ZEB2: variants seen among roughly 807,000 people sequenced by gnomAD.
ZEB2 encodes zinc finger E-box binding homeobox 2.
A neutral mutation model predicts 99.9 loss-of-function variants in ZEB2; 6 were observed. The ratio of observed to expected loss-of-function variants is 0.06; its 90% CI spans 0.03 to 0.12. The LOEUF is 0.12. ZEB2 is among the 10% of genes least tolerant of loss of function. The pLI is 1.00. For synonymous variants in ZEB2, 517 were observed against 542.5 expected (o/e 0.95, Z 0.65); for missense variants, 969 against 1,502.8 (o/e 0.64, Z 5.87).
chr2:144,404,614 C>G (rs1010089504), intron 5 of ZEB2, among the ~76,000 whole-genome samples: 2 of 152,134 alleles, frequency 1.3e-5, no homozygotes, highest in Non-Finnish European at 2.9e-5. Context: ...GAAATGGGCT[C>G]TAATTGTTCT....
intron 2 of ZEB2, among the ~76,000 whole-genome samples, chr2:144,480,991 T>C (rs1704503051): frequency 6.6e-6 from 1 of 152,188 alleles, no homozygotes; most frequent in African/African-American, 2.4e-5. Context: ...TTTCTAATAA[T>C]TATAGCATTA....
At chr2:144,409,903 A>C (rs1458097253) in intron 4 of ZEB2, among the ~76,000 whole-genome samples, 1 of 151,700 alleles carries the variant, frequency 6.6e-6, no homozygotes, top group Admixed American at 6.6e-5. Flanking sequence ...AAAACCAAAA[A>C]AAAGTTGTTG....
intron 2 of ZEB2, chr2:144,494,186 A>C (rs1704727903): frequency 6.7e-6 from 1 of 148,210 alleles, no homozygotes; most frequent in Non-Finnish European, 1.5e-5. Context: ...ATAGATTGTC[A>C]AAAACTCTAA....
intron 4 of ZEB2, among the ~76,000 whole-genome samples, chr2:144,412,555 G>A (rs1286186836): frequency 6.6e-6 from 1 of 152,040 alleles, no homozygotes; most frequent in East Asian, 1.9e-4. Flanking sequence ...AAATTATTGG[G>A]GCCCATCCAA....
At chr2:144,485,029 C>T (rs1704574459) in intron 2 of ZEB2, among the ~76,000 whole-genome samples, 1 of 152,156 alleles carries the variant, frequency 6.6e-6, no homozygotes, top group Admixed American at 6.5e-5. Context: ...TAAAGAGTCA[C>T]TTAGCATGAA....
chr2:144,476,768 T>G (rs141606696), intron 2 of ZEB2, among the ~76,000 whole-genome samples: 185 of 152,332 alleles, frequency 1.2e-3, no homozygotes, highest in African/African-American at 4.3e-3. Context: ...TTTTATGTAC[T>G]GAAAATAAAC....
At chr2:144,421,656 C>G (rs889751105) in intron 4 of ZEB2, among the ~76,000 whole-genome samples, 1 of 137,324 alleles carries the variant, frequency 7.3e-6, no homozygotes, top group Non-Finnish European at 1.6e-5. Flanking sequence ...GTGTCATAAT[C>G]TTTTTTTTTT....
intron 2 of ZEB2, among the ~76,000 whole-genome samples, chr2:144,447,390 G>A (rs1450388103): frequency 6.6e-6 from 1 of 152,126 alleles, no homozygotes; most frequent in Non-Finnish European, 1.5e-5. Flanking sequence ...TTTCTCATAT[G>A]TCTAACATGC....
chr2:144,446,053 C>CCCTT (rs1169788243), intron 2 of ZEB2, among the ~76,000 whole-genome samples: 1 of 151,792 alleles, frequency 6.6e-6, no homozygotes, highest in Non-Finnish European at 1.5e-5. Context: ...TTCTCTCTCC[C>CCCTT]CCTTCCTTCC....
rs191298622 is a variant in ZEB2 at position 144,473,259 on chromosome 2, C to T, written c.74-43233G>A. Among the ~76,000 whole-genome samples the T allele has an allele frequency of 2.6e-4, 40 of 152,126 alleles. No homozygotes were observed. The East Asian group carries it at 7.3e-3, about 28-fold the overall frequency. ...ATGGGGTTCCTGGTTGGGAGGTCCA[C>T]GATAGGGTGGTATTTCCCACTGCAA... is the stretch of plus-strand genomic sequence containing the variant. On this transcript the variant is annotated intron_variant, in intron 2 of 9. Coordinates refer to ENST00000627532, the MANE Select transcript of ZEB2 (RefSeq NM_014795.4).
chr2:144,403,415 C>G (rs1207982253), intron 6 of ZEB2, among the ~76,000 whole-genome samples: 9 of 151,444 alleles, frequency 5.9e-5, no homozygotes, highest in Non-Finnish European at 8.9e-5. Context: ...TTTTGATTTT[C>G]CTTAAAACAC....
At chr2:144,430,478 C>A in intron 2 of ZEB2, 1 of 209,070 alleles carries the variant, frequency 4.8e-6, no homozygotes. Context: ...TCCCTAGAAA[C>A]AGTAGACACA....
chr2:144,485,942 T>C (rs1016870448), intron 2 of ZEB2, among the ~76,000 whole-genome samples: 1 of 152,202 alleles, frequency 6.6e-6, no homozygotes, highest in African/African-American at 2.4e-5. Context: ...TCTTCTTAGC[T>C]TAAGAAAGTA....
intron 2 of ZEB2, among the ~76,000 whole-genome samples, chr2:144,454,886 C>T (rs1334960037): frequency 6.6e-6 from 1 of 152,102 alleles, no homozygotes. Flanking sequence ...ATCACACACA[C>T]ACACCCTGCA....
intron 2 of ZEB2, among the ~76,000 whole-genome samples, chr2:144,516,956 G>C (rs552412214): frequency 1.3e-5 from 2 of 151,102 alleles, no homozygotes; most frequent in Non-Finnish European, 1.5e-5. Flanking sequence ...GGGCGCGAGC[G>C]GAGCGGGAGG....
intron 2 of ZEB2, among the ~76,000 whole-genome samples, chr2:144,490,649 A>T (rs939176318): frequency 6.6e-6 from 1 of 152,214 alleles, no homozygotes; most frequent in Non-Finnish European, 1.5e-5. Flanking sequence ...GCCTAAAAAG[A>T]GCCTCGATGA....
At chr2:144,491,662 G>A (rs1052670886) in intron 2 of ZEB2, among the ~76,000 whole-genome samples, 3 of 152,186 alleles carry the variant, frequency 2.0e-5, no homozygotes, top group African/African-American at 7.2e-5. Context: ...GAAGAGAAGT[G>A]CAAGTTCAAG....
chr2:144,429,284 A>G (rs890197822), intron 3 of ZEB2: 5 of 173,976 alleles, frequency 2.9e-5, no homozygotes, highest in Non-Finnish European at 3.7e-5. Flanking sequence ...ACAAAAGGGA[A>G]TCATTAAACG....
At chr2:144,492,631 C>T (rs1704697069) in intron 2 of ZEB2, among the ~76,000 whole-genome samples, 1 of 152,152 alleles carries the variant, frequency 6.6e-6, no homozygotes, top group Non-Finnish European at 1.5e-5. Flanking sequence ...TCTCTGCCTC[C>T]CTGACTCCCA....
Sources: gnomAD v4.1 joint callset for allele counts (sites outside exome capture counted in the v4.1 genomes callset) on GRCh38, gnomAD v4.1.1 for gene constraint, MANE v1.5 for transcripts, NCBI Gene and HGNC (gene_info 2026-07-23, HGNC 2026-07-21) for gene names.